Variants in PCDH9 observed in about 807,000 individuals in gnomAD.
The protein encoded by PCDH9 is protocadherin 9.
In PCDH9, 24 loss-of-function variants were observed where a neutral mutation model predicts 70.6. The observed-to-expected ratio is 0.34, with a 90% confidence interval of 0.25 to 0.48. The LOEUF is 0.48. Ranked by LOEUF, PCDH9 falls within the 20% of genes least tolerant of loss-of-function variation. The pLI, the probability that PCDH9 is intolerant of heterozygous loss-of-function variation, is 0.99. For synonymous variants in PCDH9, 562 were observed against 558.5 expected (o/e 1.01, Z -0.09); for missense variants, 1,281 against 1,503.6 (o/e 0.85, Z 2.45).
chr13:66,319,231 G>A (rs190037721), intron 4 of PCDH9, among the ~76,000 whole-genome samples: 29 of 152,056 alleles, frequency 1.9e-4, no homozygotes, highest in African/African-American at 5.3e-4. Flanking sequence ...TGGCAATAGC[G>A]TGGGGAAAAG....
intron 3 of PCDH9, among the ~76,000 whole-genome samples, chr13:66,749,501 C>T (rs2079424810): frequency 6.6e-6 from 1 of 152,112 alleles, no homozygotes; most frequent in Admixed American, 6.6e-5. Flanking sequence ...CAGGAGAAAA[C>T]TGGTTTAGAG....
chr13:66,404,782 T>C (rs1468195935), intron 4 of PCDH9, among the ~76,000 whole-genome samples: 1 of 151,904 alleles, frequency 6.6e-6, no homozygotes, highest in African/African-American at 2.4e-5. Context: ...CCTTCATGCC[T>C]TTTTCCCCCC....
Position 66,832,362 on chromosome 13 carries a change from C to T in PCDH9, c.3138+71142G>A, listed in dbSNP as rs576133918. On this transcript the variant is annotated intron_variant, in intron 3 of 4. Transcript: ENST00000377865. ...ATCTAAAACACACTGCAAAAATTTA[C>T]ACACTTTAACTCTCTAAAATACCAC... Among the ~76,000 whole-genome samples the T allele has an allele frequency of 1.7e-4, 26 of 152,104 alleles. No individual in the cohort carries two copies. In the South Asian group the frequency reaches 5.4e-3, roughly 32 times the overall value.
At chr13:66,343,558 G>C (rs964337531) in intron 4 of PCDH9, among the ~76,000 whole-genome samples, 4 of 152,140 alleles carry the variant, frequency 2.6e-5, no homozygotes, top group African/African-American at 9.7e-5. Flanking sequence ...AACAACAAGG[G>C]AGCCCGTCTC....
intron 2 of PCDH9, among the ~76,000 whole-genome samples, chr13:67,028,680 T>C (rs2084842008): frequency 6.6e-6 from 1 of 152,164 alleles, no homozygotes; most frequent in Non-Finnish European, 1.5e-5. Flanking sequence ...TTGTAAACTT[T>C]TTTTTGTCCT....
chr13:66,886,510 C>T (rs1231521505), intron 3 of PCDH9, among the ~76,000 whole-genome samples: 5 of 152,058 alleles, frequency 3.3e-5, no homozygotes, highest in East Asian at 1.9e-4. Context: ...CCAGAGGCCA[C>T]GAAAGCTGCC....
intron 2 of PCDH9, among the ~76,000 whole-genome samples, chr13:67,163,971 G>T (rs1286422677): frequency 6.6e-6 from 1 of 152,120 alleles, no homozygotes; most frequent in Non-Finnish European, 1.5e-5. Flanking sequence ...CATGGCATGA[G>T]TTTCCCTTTA....
chr13:67,069,655 T>A (rs2085720782), intron 2 of PCDH9, among the ~76,000 whole-genome samples: 1 of 152,138 alleles, frequency 6.6e-6, no homozygotes, highest in Admixed American at 6.6e-5. Flanking sequence ...ATTGACCATC[T>A]CCTTTCTTTC....
At chr13:66,417,180 C>CCACT (rs1214478831) in intron 4 of PCDH9, among the ~76,000 whole-genome samples, 18 of 152,080 alleles carry the variant, frequency 1.2e-4, no homozygotes, top group Non-Finnish European at 2.5e-4. Flanking sequence ...TCCCCCTTAC[C>CCACT]CACTACCCAT....
chr13:66,648,071 C>T (rs984506918), intron 3 of PCDH9, among the ~76,000 whole-genome samples: 3 of 152,218 alleles, frequency 2.0e-5, no homozygotes, highest in Non-Finnish European at 2.9e-5. Flanking sequence ...CTAAGGTTTT[C>T]AATTCCAGGC....
chr13:66,841,463 A>T (rs1283002801), intron 3 of PCDH9, among the ~76,000 whole-genome samples: 2 of 152,192 alleles, frequency 1.3e-5, no homozygotes, highest in Non-Finnish European at 2.9e-5. Context: ...AGATCAAGGG[A>T]TATAATTAGG....
At chr13:66,886,084 G>C (rs980467436) in intron 3 of PCDH9, 1 of 152,114 alleles carries the variant, frequency 6.6e-6, no homozygotes, top group Non-Finnish European at 1.5e-5. Context: ...CAGGTACAGT[G>C]ATCACAACTG....
At chr13:66,853,012 CTTGT>C (rs2081339167) in intron 3 of PCDH9, among the ~76,000 whole-genome samples, 1 of 151,788 alleles carries the variant, frequency 6.6e-6, no homozygotes, top group Non-Finnish European at 1.5e-5. Flanking sequence ...ACTTGAGAAG[CTTGT>C]TTCTTTTCAT....
At chr13:66,349,008 G>A (rs1166860407) in intron 4 of PCDH9, among the ~76,000 whole-genome samples, 1 of 152,186 alleles carries the variant, frequency 6.6e-6, no homozygotes, top group East Asian at 1.9e-4. Context: ...ATAGTCACCA[G>A]ACATATCTGC....
chr13:66,684,036 A>G (rs1255961921), intron 3 of PCDH9, among the ~76,000 whole-genome samples: 12 of 152,138 alleles, frequency 7.9e-5, no homozygotes, highest in Non-Finnish European at 7.3e-5. Context: ...GATGTTTCTT[A>G]TAGTTGTACT....
intron 3 of PCDH9, among the ~76,000 whole-genome samples, chr13:66,736,364 G>T (rs1041736453): frequency 1.3e-5 from 2 of 152,174 alleles, no homozygotes; most frequent in African/African-American, 4.8e-5. Flanking sequence ...GGGACACCAG[G>T]TATGCACATT....
chr13:66,446,257 A>T (rs1439392539), intron 4 of PCDH9, among the ~76,000 whole-genome samples: 1 of 152,052 alleles, frequency 6.6e-6, no homozygotes, highest in Non-Finnish European at 1.5e-5. Context: ...AGAGTAACCA[A>T]CATTTGCCAA....
intron 3 of PCDH9, among the ~76,000 whole-genome samples, chr13:66,662,194 C>T (rs373123213): frequency 2.0e-5 from 3 of 151,934 alleles, no homozygotes; most frequent in Non-Finnish European, 2.9e-5. Context: ...CACATAAGGC[C>T]GGGCGTGGTG....
intron 4 of PCDH9, among the ~76,000 whole-genome samples, chr13:66,375,997 A>T (rs1032548937): frequency 6.6e-6 from 1 of 152,166 alleles, no homozygotes; most frequent in African/African-American, 2.4e-5. Context: ...ACACCAATAA[A>T]GGCAGCTCAT....
Sources: gnomAD v4.1 joint callset for allele counts (sites outside exome capture counted in the v4.1 genomes callset) on GRCh38, gnomAD v4.1.1 for gene constraint, MANE v1.5 for transcripts, NCBI Gene and HGNC (gene_info 2026-07-23, HGNC 2026-07-21) for gene names.